CDH23: variants seen among roughly 807,000 people sequenced by gnomAD.
CDH23 encodes the protein cadherin-23.
In CDH23, 189 loss-of-function variants were observed where a neutral mutation model predicts 317.1. The ratio of observed to expected loss-of-function variants is 0.60; its 90% confidence interval spans 0.53 to 0.67. The LOEUF (loss-of-function observed/expected upper bound fraction) is 0.67. CDH23 is among the 30% of genes least tolerant of loss of function. The probability of loss-of-function intolerance (pLI) is 0.00; values close to 1 mark genes in which losing one functional copy is unlikely to be tolerated. For synonymous variants in CDH23, 1,839 were observed against 1,876.8 expected (o/e 0.98, Z 0.52); for missense variants, 4,401 against 4,592.4 (o/e 0.96, Z 1.20).
Position 71,690,582 on chromosome 10 carries a change from C to T in CDH23, c.2174C>T (p.Ser725Leu), listed in dbSNP as rs1242750822. 2 of 1,586,652 alleles carry T rather than the reference C, an allele frequency of 1.3e-6. No homozygotes were observed. Among genetic ancestry groups the T allele is most frequent in the South Asian group, 1.2e-5 (1 of 86,612 alleles). The change falls in exon 20 of 70, where the codon TCA becomes TTA. Residue 725 changes from serine to leucine, a missense_variant and splice_region_variant. Physicochemically the swap from Ser to Leu is moderately radical, Grantham distance 145. Transcript: ENST00000224721. ...GSTQFRINAR[S>L]GEITTTSLLD... is the part of the protein sequence containing the mutation. Reference sequence around the variant, plus strand: ...ACCCAGTTTCGGATCAATGCCCGCTCAGGTGAGCCCCCCCACCCCAAGTAC... The same window carrying T: ...ACCCAGTTTCGGATCAATGCCCGCTTAGGTGAGCCCCCCCACCCCAAGTAC...
chr10:71,638,697 T>A (rs1589285822), intron 11 of CDH23, among the ~76,000 whole-genome samples: 1 of 152,222 alleles, frequency 6.6e-6, no homozygotes, highest in Non-Finnish European at 1.5e-5. Context: ...AACGAGCTGA[T>A]GTCTGTTGAG....
At position 71,784,909 on chromosome 10, in the gene CDH23, G is replaced by C; in HGVS notation, c.5521G>C (p.Val1841Leu). 1 of 1,613,914 alleles carries C rather than the reference G, an allele frequency of 6.2e-7. No individual in the cohort carries two copies. Among genetic ancestry groups the C allele is most frequent in the South Asian group, 1.1e-5 (1 of 91,082 alleles). The change falls in exon 43 of 70, where the codon GTG becomes CTG. Residue 1841 changes from valine to leucine, a missense_variant. Physicochemically the swap from Val to Leu is conservative, Grantham distance 32. Transcript: ENST00000224721. Reference protein sequence around the residue: ...LSSTMLVGIRVLDINDNDPVL... With the variant: ...LSSTMLVGIRLLDINDNDPVL... ...GGCCCAGATGCTGGTGGGGATCCGG[G>C]TGCTGGACATCAACGACAACGACCC...
intron 27 of CDH23, among the ~76,000 whole-genome samples, chr10:71,709,827 A>G (rs1378917640): frequency 6.6e-6 from 1 of 152,080 alleles, no homozygotes; most frequent in Non-Finnish European, 1.5e-5. Flanking sequence ...TTATACAGGA[A>G]AAAGGGTTTA....
At chr10:71,477,653 T>C (rs1026987915) in intron 3 of CDH23, among the ~76,000 whole-genome samples, 6 of 152,200 alleles carry the variant, frequency 3.9e-5, no homozygotes, top group African/African-American at 1.4e-4. Flanking sequence ...GCCCTGCATC[T>C]TACTCGAGAC....
intron 14 of CDH23, among the ~76,000 whole-genome samples, chr10:71,656,226 C>T (rs1467221804): frequency 1.3e-5 from 2 of 152,192 alleles, no homozygotes; most frequent in African/African-American, 4.8e-5. Context: ...CATACGAGTC[C>T]AAGGTCAACG....
At chr10:71,537,166 CT>C (rs949643084) in intron 6 of CDH23, among the ~76,000 whole-genome samples, 1 of 151,984 alleles carries the variant, frequency 6.6e-6, no homozygotes, top group African/African-American at 2.4e-5. Context: ...AGTGCCCACC[CT>C]TTGGGGCTGG....
intron 14 of CDH23, among the ~76,000 whole-genome samples, chr10:71,651,394 G>T (rs1199241024): frequency 2.7e-5 from 4 of 149,488 alleles, no homozygotes; most frequent in Non-Finnish European, 5.9e-5. Context: ...AATGCCAGCT[G>T]TGGTGGCATA....
chr10:71,455,952 G>C (rs150097300), intron 3 of CDH23, among the ~76,000 whole-genome samples: 1 of 152,108 alleles, frequency 6.6e-6, no homozygotes, highest in Admixed American at 6.5e-5. Context: ...CCCTGACTTC[G>C]CACACCAGCT....
chr10:71,689,729 C>A (rs773000816), intron 19 of CDH23, among the ~76,000 whole-genome samples: 1 of 152,214 alleles, frequency 6.6e-6, no homozygotes, highest in Non-Finnish European at 1.5e-5. Context: ...ATCTTTAGAC[C>A]CGGTCCCAGG....
intron 1 of CDH23, among the ~76,000 whole-genome samples, chr10:71,417,930 G>T (rs1848601518): frequency 6.6e-6 from 1 of 152,148 alleles, no homozygotes; most frequent in Non-Finnish European, 1.5e-5. Context: ...TTTTCTGCGG[G>T]TCTATTTTCA....
chr10:71,668,508 G>A (rs1451415419), intron 14 of CDH23, among the ~76,000 whole-genome samples: 2 of 152,186 alleles, frequency 1.3e-5, no homozygotes, highest in African/African-American at 2.4e-5. Flanking sequence ...ATGTTCTAGC[G>A]CTGTGACTGT....
chr10:71,759,075 A>T (rs1273752541), intron 38 of CDH23, among the ~76,000 whole-genome samples: 2 of 150,370 alleles, frequency 1.3e-5, no homozygotes, highest in African/African-American at 4.9e-5. Context: ...GTCTTGCTCT[A>T]TCAGCAGGCT....
At chr10:71,599,722 C>T (rs1860093206) in intron 9 of CDH23, among the ~76,000 whole-genome samples, 1 of 152,196 alleles carries the variant, frequency 6.6e-6, no homozygotes, top group African/African-American at 2.4e-5. Context: ...GACCTGTGGC[C>T]TGGACAGGAG....
At position 71,725,445 on chromosome 10, in the gene CDH23, G is replaced by A. The variant is rs980996899; in HGVS notation, c.3504G>A (p.Arg1168=). The stretch of plus-strand genomic sequence containing the variant: ...TGCGAGGGCCCCGGCCCCTGGACCG[G>A]GAGCGGAACTCATCCCACGTGCTGA... ...LLMRGPRPLD[R]ERNSSHVLIV... The change falls in exon 30 of 70, where the codon CGG becomes CGA. Residue 1168 remains arginine, a synonymous_variant. Coordinates refer to ENST00000224721, the MANE Select transcript of CDH23 (RefSeq NM_022124.6). 9 of 1,613,926 alleles carry A rather than the reference G, an allele frequency of 5.6e-6. No individual in the cohort carries two copies. Among genetic ancestry groups the A allele is most frequent in the Non-Finnish European group, 7.6e-6 (9 of 1,179,894 alleles).
chr10:71,616,643 A>C (rs1861205363), intron 10 of CDH23, among the ~76,000 whole-genome samples: 1 of 152,192 alleles, frequency 6.6e-6, no homozygotes, highest in African/African-American at 2.4e-5. Context: ...TCACCCAGAG[A>C]GATTCAGATT....
intron 69 of CDH23, among the ~76,000 whole-genome samples, chr10:71,814,102 C>T (rs891308531): frequency 6.6e-6 from 1 of 152,204 alleles, no homozygotes; most frequent in Non-Finnish European, 1.5e-5. Flanking sequence ...TTCAAGTCTC[C>T]ACCCCACCTA....
chr10:71,430,989 C>T (rs1849343370), intron 1 of CDH23, among the ~76,000 whole-genome samples: 1 of 152,146 alleles, frequency 6.6e-6, no homozygotes. Flanking sequence ...ATGAGTACCA[C>T]TCACATTTTC....
At chr10:71,495,244 T>C (rs1478118023) in intron 3 of CDH23, among the ~76,000 whole-genome samples, 1 of 152,212 alleles carries the variant, frequency 6.6e-6, no homozygotes, top group Non-Finnish European at 1.5e-5. Context: ...AAATGAATGG[T>C]GCTGTGATCA....
intron 1 of CDH23, among the ~76,000 whole-genome samples, chr10:71,398,512 G>A (rs1289546801): frequency 6.6e-6 from 1 of 150,668 alleles, no homozygotes; most frequent in East Asian, 2.0e-4. Flanking sequence ...GGAAGAATTA[G>A]GTTGTGGGGT....
Sources: gnomAD v4.1 joint callset for allele counts (sites outside exome capture counted in the v4.1 genomes callset) on GRCh38, gnomAD v4.1.1 for gene constraint, MANE v1.5 for transcripts, NCBI Gene and HGNC (gene_info 2026-07-23, HGNC 2026-07-21) for gene names.